GMDS: variants seen among roughly 807,000 people sequenced by gnomAD.
The protein encoded by GMDS is GDP-mannose 4,6-dehydratase.
A neutral mutation model predicts 49.9 loss-of-function variants in GMDS; 20 were observed. The ratio of observed to expected loss-of-function variants is 0.40; its 90% CI spans 0.28 to 0.58. The LOEUF is 0.58. GMDS is among the 20% of genes least tolerant of loss of function. GMDS has a pLI of 0.42. For missense variants in GMDS, 362 were observed against 481.4 expected (o/e 0.75, Z 2.32); for synonymous variants, 177 against 178.6 (o/e 0.99, Z 0.07).
At chr6:2,064,608 G>C (rs1334936580) in intron 4 of GMDS, among the ~76,000 whole-genome samples, 2 of 152,128 alleles carry the variant, frequency 1.3e-5, no homozygotes, top group Non-Finnish European at 2.9e-5. Context: ...TATTACCCAT[G>C]CCCCTTCATC....
rs1385349666 is a variant in GMDS at position 1,652,711 on chromosome 6, TATATATATAGAG to T, written c.988-28183_988-28172del. Among the ~76,000 whole-genome samples the T allele has an allele frequency of 1.3e-4, 4 of 29,824 alleles. 1 individual carries two copies. In the East Asian group the frequency reaches 2.1e-3, roughly 16 times the overall value. The allele number at this position is 29,824 out of a possible 152,430, so 19.6% of individuals were successfully genotyped here. A position where few individuals can be genotyped will look rare whatever the true frequency, so the allele number is the denominator to read the frequency against. ...ATATATAATATATTATATATATATA[TATATATATAGAG>T]AGAGAGAGAGAGAGAGAGACAGACA... is the stretch of plus-strand genomic sequence containing the variant. On this transcript the variant is annotated intron_variant, in intron 9 of 10. Transcript: ENST00000380815.
intron 7 of GMDS, among the ~76,000 whole-genome samples, chr6:1,924,960 A>G (rs952214896): frequency 3.3e-5 from 5 of 151,400 alleles, no homozygotes; most frequent in African/African-American, 1.2e-4. Flanking sequence ...CGTCTCAAAA[A>G]AAAAAAAGTT....
chr6:2,159,460 T>C (rs1777273591), intron 1 of GMDS, among the ~76,000 whole-genome samples: 1 of 152,046 alleles, frequency 6.6e-6, no homozygotes, highest in Non-Finnish European at 1.5e-5. Context: ...TCTACATACA[T>C]TTTATGCATT....
In GMDS at chr6:2,191,277, G is replaced by C. The variant is rs1037434287; in HGVS notation, c.102+54044C>G. ...GGGGAAGGGCCGCAAGCGGGATGAGGGGGAGCTCTAGGCTGCCCCTGAGTG... is the reference window on the plus strand; with the variant it reads ...GGGGAAGGGCCGCAAGCGGGATGAGCGGGAGCTCTAGGCTGCCCCTGAGTG... On this transcript the variant is annotated intron_variant, in intron 1 of 10. Coordinates refer to ENST00000380815, the MANE Select transcript of GMDS (RefSeq NM_001500.4). The surrounding 1 kb of genome is among the most constrained non-coding windows in gnomAD (Gnocchi z 4.6). 5.9e-5 allele frequency among the ~76,000 whole-genome samples: 9 copies of C among 152,114 alleles called. No individual in the cohort carries two copies. The highest frequency in any genetic ancestry group is 8.8e-5 in the Non-Finnish European group (6 of 67,978).
intron 1 of GMDS, among the ~76,000 whole-genome samples, chr6:2,207,573 C>G (rs1779859176): frequency 6.6e-6 from 1 of 151,972 alleles, no homozygotes; most frequent in Non-Finnish European, 1.5e-5. Context: ...ATCAAACTTA[C>G]AAAATCTGTA....
chr6:1,931,747 T>G (rs1222722429), intron 6 of GMDS, among the ~76,000 whole-genome samples: 2 of 152,236 alleles, frequency 1.3e-5, no homozygotes, highest in Admixed American at 1.3e-4. Context: ...TGGCAAACTA[T>G]TAAATGAAGA....
intron 4 of GMDS, among the ~76,000 whole-genome samples, chr6:2,066,924 T>C (rs182542286): frequency 3.2e-4 from 49 of 152,016 alleles, no homozygotes; most frequent in African/African-American, 1.1e-3. Flanking sequence ...CTAATACACA[T>C]CTACAGAACC....
At chr6:1,922,715 T>A (rs1231073096) in intron 7 of GMDS, among the ~76,000 whole-genome samples, 1 of 152,182 alleles carries the variant, frequency 6.6e-6, no homozygotes, top group Non-Finnish European at 1.5e-5. Context: ...AGAGAGCAGC[T>A]GGACTTTGGA....
chr6:2,201,793 C>G (rs1261589340), intron 1 of GMDS, among the ~76,000 whole-genome samples: 1 of 133,796 alleles, frequency 7.5e-6, no homozygotes, highest in Non-Finnish European at 1.6e-5. Flanking sequence ...CGAGATGTAA[C>G]CATCTAGGCA....
At chr6:2,133,693 G>A (rs1203070353) in intron 1 of GMDS, among the ~76,000 whole-genome samples, 1 of 152,064 alleles carries the variant, frequency 6.6e-6, no homozygotes, top group Non-Finnish European at 1.5e-5. Flanking sequence ...CTGTGATTTT[G>A]TTACTTAAAA....
In GMDS at chr6:1,749,975, G is replaced by C. The variant is rs1046506410; in HGVS notation, c.772-7389C>G. Among the ~76,000 whole-genome samples, 3 of 152,098 alleles carry C rather than the reference G, an allele frequency of 2.0e-5. No homozygotes were observed. In the South Asian group the frequency reaches 6.2e-4, roughly 32 times the overall value. On this transcript the variant is annotated intron_variant, in intron 7 of 10. Coordinates refer to ENST00000380815, the MANE Select transcript of GMDS (RefSeq NM_001500.4). The stretch of plus-strand genomic sequence containing the variant: ...GCCTTCCAAGTAGATGGGACTACAG[G>C]CATGCATCACCACACTTGGCTAATG...
intron 4 of GMDS, among the ~76,000 whole-genome samples, chr6:2,079,019 C>CTTTTTTTT (rs386405902): frequency 0.012 from 407 of 33,950 alleles, 69 homozygotes; most frequent in East Asian, 0.024. Flanking sequence ...ATGACCTTGT[C>CTTTTTTTT]TTTTTTTTTT....
At chr6:1,681,234 C>T (rs907701287) in intron 9 of GMDS, among the ~76,000 whole-genome samples, 3 of 152,000 alleles carry the variant, frequency 2.0e-5, no homozygotes, top group African/African-American at 7.3e-5. Flanking sequence ...ACACACCTGC[C>T]TCCTCACAGT....
intron 4 of GMDS, among the ~76,000 whole-genome samples, chr6:1,965,052 T>C (rs963669539): frequency 4.2e-5 from 5 of 119,380 alleles, no homozygotes; most frequent in African/African-American, 1.6e-4. Flanking sequence ...GTGCCACATT[T>C]TCTTAATCCA....
chr6:1,851,841 G>C (rs572596919), intron 7 of GMDS, among the ~76,000 whole-genome samples: 64 of 152,192 alleles, frequency 4.2e-4, no homozygotes, highest in Non-Finnish European at 4.4e-4. Flanking sequence ...CCTTTGATTT[G>C]TGGAGATGAA....
chr6:1,714,154 A>C (rs1766084469), intron 9 of GMDS, among the ~76,000 whole-genome samples: 2 of 152,032 alleles, frequency 1.3e-5, no homozygotes, highest in African/African-American at 2.4e-5. Context: ...AGTAGCTGGG[A>C]CTACAGGCGC....
At chr6:2,062,147 C>T (rs1771219059) in intron 4 of GMDS, among the ~76,000 whole-genome samples, 1 of 152,160 alleles carries the variant, frequency 6.6e-6, no homozygotes, top group South Asian at 2.1e-4. Flanking sequence ...GCAGCAGGTC[C>T]TGAGGCAATT....
intron 9 of GMDS, among the ~76,000 whole-genome samples, chr6:1,698,429 T>G (rs1205168377): frequency 1.3e-5 from 2 of 152,184 alleles, no homozygotes; most frequent in Non-Finnish European, 2.9e-5. Flanking sequence ...AAGAACATCC[T>G]CCCTCCCTGC....
At chr6:1,865,745 G>A (rs367750191) in intron 7 of GMDS, among the ~76,000 whole-genome samples, 8 of 152,128 alleles carry the variant, frequency 5.3e-5, no homozygotes, top group African/African-American at 1.7e-4. Context: ...CCAGCGAAGC[G>A]GTCTGCAGAG....
Sources: allele counts gnomAD v4.1 joint callset (sites outside exome capture counted in the v4.1 genomes callset), GRCh38; gene constraint gnomAD v4.1.1; non-coding constraint Gnocchi (gnomAD v3.1); transcripts MANE v1.5; gene names NCBI Gene and HGNC (gene_info 2026-07-23, HGNC 2026-07-21).